The following USH2A variants were observed in gnomAD, a reference collection of about 807,000 sequenced individuals.
USH2A encodes the protein Usher syndrome 2A (autosomal recessive, mild).
USH2A carries 443 observed loss-of-function variants against 538.9 expected under a neutral mutation model. That is an observed-to-expected ratio of 0.82 (90% CI 0.76 to 0.89). The LOEUF is 0.89. Ranked by LOEUF, USH2A falls within the 40% of genes least tolerant of loss-of-function variation. The probability of loss-of-function intolerance (pLI) is 0.00; values close to 1 mark genes in which losing one functional copy is unlikely to be tolerated. For synonymous variants in USH2A, 2,413 were observed against 2,273.5 expected (o/e 1.06, Z -1.75); for missense variants, 6,633 against 6,324.8 (o/e 1.05, Z -1.65).
intron 32 of USH2A, among the ~76,000 whole-genome samples, chr1:216,040,048 TACACAC>T (rs59691309): frequency 0.09 from 13,231 of 146,240 alleles, 765 homozygotes; most frequent in African/African-American, 0.17. Flanking sequence ...GTCTCTCAAT[TACACAC>T]ACACACACAC....
At chr1:216,345,790 T>C (rs2038163814) in intron 4 of USH2A, among the ~76,000 whole-genome samples, 1 of 152,120 alleles carries the variant, frequency 6.6e-6, no homozygotes, top group Admixed American at 6.6e-5. Context: ...CTTGGGAGCT[T>C]GACCTTGTGA....
chr1:215,744,050 A>C (rs1172510548), intron 58 of USH2A, among the ~76,000 whole-genome samples: 2 of 152,118 alleles, frequency 1.3e-5, no homozygotes, highest in Non-Finnish European at 2.9e-5. Flanking sequence ...GCTGTCCTAT[A>C]TTTTTTCTAG....
At chr1:216,287,685 A>G (rs748394100) in intron 11 of USH2A, among the ~76,000 whole-genome samples, 3 of 152,176 alleles carry the variant, frequency 2.0e-5, no homozygotes, top group Non-Finnish European at 2.9e-5. Flanking sequence ...ATGGAGAGAC[A>G]AATCTGATGC....
intron 30 of USH2A, among the ~76,000 whole-genome samples, chr1:216,061,254 A>G (rs2031170040): frequency 2.0e-5 from 3 of 152,120 alleles, no homozygotes; most frequent in African/African-American, 7.2e-5. Flanking sequence ...ATCTTAGTTG[A>G]TATTCATTTT....
intron 43 of USH2A, among the ~76,000 whole-genome samples, chr1:215,875,910 A>ATAATG (rs1664753592): frequency 6.9e-6 from 1 of 145,062 alleles, no homozygotes; most frequent in Non-Finnish European, 1.5e-5. Context: ...CAATATATAA[A>ATAATG]TATATAATAT....
At chr1:215,965,922 G>GACACACAC in intron 36 of USH2A, among the ~76,000 whole-genome samples, 1 of 87,408 alleles carries the variant, frequency 1.1e-5, no homozygotes, top group Non-Finnish European at 2.3e-5. Context: ...TCTCTTCTCT[G>GACACACAC]TCACACACAC....
At chr1:215,792,227 C>T (rs775669957) in intron 50 of USH2A, among the ~76,000 whole-genome samples, 3 of 152,122 alleles carry the variant, frequency 2.0e-5, no homozygotes, top group Non-Finnish European at 2.9e-5. Flanking sequence ...TGAGGGACTT[C>T]TGACAGGTCA....
At chr1:216,366,143 T>C (rs1200499243) in intron 3 of USH2A, among the ~76,000 whole-genome samples, 1 of 152,100 alleles carries the variant, frequency 6.6e-6, no homozygotes, top group East Asian at 1.9e-4. Flanking sequence ...GTACTCTAAT[T>C]AGTGAAGGAG....
chr1:216,373,031 T>C (rs538356700), intron 3 of USH2A, among the ~76,000 whole-genome samples: 5 of 152,312 alleles, frequency 3.3e-5, no homozygotes, highest in African/African-American at 1.2e-4. Flanking sequence ...TCAACCTCTT[T>C]TGTCTCCCAT....
At chr1:215,852,236 G>T (rs1294171386) in intron 44 of USH2A, among the ~76,000 whole-genome samples, 10 of 152,120 alleles carry the variant, frequency 6.6e-5, no homozygotes, top group Admixed American at 5.2e-4. Flanking sequence ...AAGGTGAAAG[G>T]CACATCTCAC....
intron 21 of USH2A, among the ~76,000 whole-genome samples, chr1:216,120,436 A>G (rs536463246): frequency 1.1e-3 from 173 of 151,664 alleles, no homozygotes; most frequent in African/African-American, 4.0e-3. Context: ...CTGGAGTGCA[A>G]TGGCGCGATC....
chr1:216,001,780 CTT>C (rs1668270175), intron 32 of USH2A, among the ~76,000 whole-genome samples: 2 of 152,074 alleles, frequency 1.3e-5, no homozygotes, highest in Non-Finnish European at 2.9e-5. Context: ...GGAAAGAACA[CTT>C]TGATTTTCAT....
At chr1:215,771,010 C>G (rs1213227419) in intron 55 of USH2A, among the ~76,000 whole-genome samples, 2 of 150,506 alleles carry the variant, frequency 1.3e-5, no homozygotes. Context: ...GCCTGTAGTC[C>G]CAGCTGTTTG....
At chr1:215,766,875 G>A in intron 55 of USH2A, 87 bp from the exon 56 acceptor site, 1 of 1,229,606 alleles carries the variant, frequency 8.1e-7, no homozygotes, top group Non-Finnish European at 1.2e-6. Context: ...CAGAGTTGTA[G>A]ATATGATAGC....
chr1:215,639,169 G>A lies in USH2A; in HGVS notation c.15038C>T (p.Thr5013Ile), dbSNP rs397517996. The change falls in exon 69 of 72, where the codon ACC becomes ATC. Residue 5013 changes from threonine (T) to isoleucine (I), a missense_variant. Thr to Ile is a moderately conservative substitution (Grantham distance 89). Transcript: ENST00000307340. ...SVKTPLIQYDTSTGLGLVLTT... is the reference protein window; with the variant it reads ...SVKTPLIQYDISTGLGLVLTT... ...GAGTTGTTTACCAAGTCCAGTAGAG[G>A]TATCATATTGGATCAACGGCGTCTT... 1 of 1,613,966 alleles carries A rather than the reference G, an allele frequency of 6.2e-7. No homozygotes were observed. The highest frequency in any genetic ancestry group is 8.5e-7 in the Non-Finnish European group (1 of 1,179,990).
Position 215,744,568 on chromosome 1 carries a change from A to T in USH2A, c.11390-1233T>A, listed in dbSNP as rs186090226. 2.1e-4 allele frequency among the ~76,000 whole-genome samples: 32 copies of T among 152,318 alleles called. No individual in the cohort carries two copies. The East Asian group carries it at 4.8e-3, about 23-fold the overall frequency. The stretch of plus-strand genomic sequence containing the variant: ...CTATCTTTACTTTAGAAACAGTGGA[A>T]TCTAGAGATAACATTACTGAGGAAG... On this transcript the variant is annotated intron_variant, in intron 58 of 71. Transcript: ENST00000307340.
chr1:215,765,437 C>A (rs998008139), intron 56 of USH2A, among the ~76,000 whole-genome samples: 1 of 152,088 alleles, frequency 6.6e-6, no homozygotes, highest in African/African-American at 2.4e-5. Context: ...CGAGGTACAA[C>A]AATCCATTTC....
intron 71 of USH2A, among the ~76,000 whole-genome samples, chr1:215,626,362 C>T (rs1047199161): frequency 7.3e-5 from 11 of 150,814 alleles, no homozygotes; most frequent in African/African-American, 2.7e-4. Flanking sequence ...TGGGGTTTCA[C>T]CATGTTGGCC....
chr1:215,805,296 A>G (rs564457146), intron 49 of USH2A, among the ~76,000 whole-genome samples: 3 of 152,080 alleles, frequency 2.0e-5, no homozygotes, highest in African/African-American at 7.2e-5. Flanking sequence ...AAAAAAAAAG[A>G]AAGAAAATGC....
Sources: allele counts gnomAD v4.1 joint callset (sites outside exome capture counted in the v4.1 genomes callset), GRCh38; gene constraint gnomAD v4.1.1; transcripts MANE v1.5; gene names NCBI Gene and HGNC (gene_info 2026-07-23, HGNC 2026-07-21).